SWT1: variants seen among roughly 807,000 people sequenced by gnomAD.
SWT1 encodes the protein transcriptional protein SWT1.
A neutral mutation model predicts 107.3 loss-of-function variants in SWT1; 33 were observed. The ratio of observed to expected loss-of-function variants is 0.31; its 90% CI spans 0.23 to 0.41. SWT1 has a LOEUF of 0.41. SWT1 is among the 10% of genes least tolerant of loss of function. SWT1 has a pLI of 1.00. For synonymous variants in SWT1, 345 were observed against 348.3 expected, an observed-to-expected ratio of 0.99 and a Z score of 0.11; for missense variants, 898 against 1,028.9, an observed-to-expected ratio of 0.87 and a Z score of 1.74.
At chr1:185,227,248 C>A in intron 15 of SWT1, 1 of 768,784 alleles carries the variant, frequency 1.3e-6, no homozygotes, top group Non-Finnish European at 2.3e-6. Flanking sequence ...GTAATTCTGG[C>A]AAGACCTGCA....
At chr1:185,281,759 CAGAG>C (rs1279621158) in intron 18 of SWT1, 2 of 155,216 alleles carry the variant, frequency 1.3e-5, no homozygotes, top group African/African-American at 2.4e-5. Flanking sequence ...GAAAAGGAGA[CAGAG>C]AGAAAGACAA....
intron 13 of SWT1, among the ~76,000 whole-genome samples, chr1:185,210,131 A>G (rs890577236): frequency 7.9e-5 from 12 of 152,180 alleles, no homozygotes; most frequent in Admixed American, 2.0e-4. Context: ...GCTGTTTGTC[A>G]GATCGATAGA....
chr1:185,240,815 A>G (rs1306707902), intron 16 of SWT1, among the ~76,000 whole-genome samples: 2 of 152,032 alleles, frequency 1.3e-5, no homozygotes, highest in Admixed American at 6.6e-5. Context: ...TGTGATTTGC[A>G]TATATTTTGT....
chr1:185,221,804 C>T (rs748579519), intron 14 of SWT1, 45 bp from the exon 15 acceptor site: 2 of 1,364,574 alleles, frequency 1.5e-6, no homozygotes, highest in Non-Finnish European at 2.0e-6. Context: ...TTCTCCTCTG[C>T]AAATGAAGAA....
chr1:185,272,729 G>C (rs1334748931), intron 17 of SWT1, among the ~76,000 whole-genome samples: 1 of 152,104 alleles, frequency 6.6e-6, no homozygotes, highest in Non-Finnish European at 1.5e-5. Flanking sequence ...GCTCCAAACA[G>C]TACCAGGCAC....
chr1:185,240,269 T>C (rs1661175351), intron 16 of SWT1, among the ~76,000 whole-genome samples: 1 of 152,102 alleles, frequency 6.6e-6, no homozygotes, highest in Non-Finnish European at 1.5e-5. Flanking sequence ...TCCAAAAATA[T>C]ACTAGCTCAT....
chr1:185,168,591 ATC>A (rs1469579456), intron 4 of SWT1, among the ~76,000 whole-genome samples, 193 bp downstream of exon 4: 1 of 152,224 alleles, frequency 6.6e-6, no homozygotes, highest in Non-Finnish European at 1.5e-5. Context: ...TGAAATAAAA[ATC>A]TATGAAAACT....
intron 15 of SWT1, among the ~76,000 whole-genome samples, chr1:185,226,493 T>C (rs752018399): frequency 6.6e-6 from 1 of 152,120 alleles, no homozygotes; most frequent in Non-Finnish European, 1.5e-5. Flanking sequence ...CCCAGCACTT[T>C]GGGAGACTGA....
chr1:185,204,228 A>G (rs761208991), intron 11 of SWT1, among the ~76,000 whole-genome samples: 4 of 152,096 alleles, frequency 2.6e-5, no homozygotes, highest in Admixed American at 6.6e-5. Context: ...CAGTGAGCCA[A>G]GATCGCGCCA....
Position 185,176,557 on chromosome 1 carries a change from CAAAT to C in SWT1, c.966+1448_966+1451del, listed in dbSNP as rs201454105. On this transcript the variant is annotated intron_variant, in intron 5 of 18. Coordinates refer to ENST00000367500, the MANE Select transcript of SWT1 (RefSeq NM_017673.7). ...AATCTCTATAATTTTGTTTCTATGT[CAAAT>C]AAAGTTACTTATCTTCAAGAGAACT... The C allele has an allele frequency of 2.7e-5, 26 of 978,824 alleles. No individual in the cohort carries two copies. The East Asian group carries it at 2.3e-3, about 86-fold the overall frequency. 60.6% of individuals were successfully genotyped at this position (978,824 alleles called of 1,614,324 possible).
chr1:185,168,780 G>A lies in SWT1; in HGVS notation c.224+382G>A, dbSNP rs1319135323. The stretch of plus-strand genomic sequence containing the variant: ...CCGTGAAGAGAGTATGTATCTTATA[G>A]AATTGATATGGCTTTAAAACCGTGT... On this transcript the variant is annotated intron_variant, in intron 4 of 18. Coordinates refer to ENST00000367500, the MANE Select transcript of SWT1 (RefSeq NM_017673.7). Among the ~76,000 whole-genome samples, 4 of 152,264 alleles carry A rather than the reference G, an allele frequency of 2.6e-5. No individual in the cohort carries two copies. The East Asian group carries it at 7.7e-4, about 29-fold the overall frequency.
At chr1:185,193,018 T>C (rs1356723976) in intron 10 of SWT1, among the ~76,000 whole-genome samples, 2 of 152,160 alleles carry the variant, frequency 1.3e-5, no homozygotes, top group African/African-American at 2.4e-5. Flanking sequence ...AGATCACTTA[T>C]TTGGTACCGC....
intron 16 of SWT1, chr1:185,264,004 T>C (rs912003163): frequency 5.9e-5 from 9 of 152,222 alleles, no homozygotes; most frequent in African/African-American, 2.2e-4. Flanking sequence ...TGCAGCTGAT[T>C]ATCAGAATAT....
chr1:185,238,295 T>A (rs17519029), intron 16 of SWT1, among the ~76,000 whole-genome samples: 7,236 of 152,074 alleles, frequency 0.048, 245 homozygotes, highest in Middle Eastern at 0.071. Context: ...TTGGGGAAAA[T>A]TTTTAAAGCT....
At chr1:185,285,019 C>T (rs2102783135) in intron 18 of SWT1, among the ~76,000 whole-genome samples, 1 of 152,128 alleles carries the variant, frequency 6.6e-6, no homozygotes, top group East Asian at 1.9e-4. Context: ...TGGAGGCCTT[C>T]TTATGAGGAG....
chr1:185,186,766 T>A (rs1406180775), intron 9 of SWT1, among the ~76,000 whole-genome samples: 1 of 152,018 alleles, frequency 6.6e-6, no homozygotes. Context: ...TACCTTTTTT[T>A]TTTTTAAGAT....
intron 15 of SWT1, chr1:185,227,280 C>G: frequency 1.3e-6 from 1 of 753,048 alleles, no homozygotes; most frequent in South Asian, 1.3e-5. Flanking sequence ...GGTAAAGGCA[C>G]CTGGCTGACC....
intron 13 of SWT1, among the ~76,000 whole-genome samples, chr1:185,208,710 T>C (rs1658524420): frequency 6.6e-6 from 1 of 151,938 alleles, no homozygotes; most frequent in Admixed American, 6.6e-5. Context: ...CATTTCCTTA[T>C]GTCTCATCCA....
chr1:185,283,278 G>A (rs1558102806), intron 18 of SWT1, among the ~76,000 whole-genome samples: 1 of 152,192 alleles, frequency 6.6e-6, no homozygotes, highest in African/African-American at 2.4e-5. Flanking sequence ...TTCAGCTGGT[G>A]TTTTCTCTTC....
Sources: allele counts gnomAD v4.1 joint callset (sites outside exome capture counted in the v4.1 genomes callset), GRCh38; gene constraint gnomAD v4.1.1; transcripts MANE v1.5; gene names NCBI Gene and HGNC (gene_info 2026-07-23, HGNC 2026-07-21).